The following THSD7A variants were observed in gnomAD, a reference collection of about 807,000 sequenced individuals.
THSD7A encodes thrombospondin type 1 domain containing 7A.
Under a neutral mutation model 231.3 loss-of-function variants are expected in THSD7A, and 96 were observed. The ratio of observed to expected loss-of-function variants is 0.41; its 90% CI spans 0.35 to 0.49. THSD7A has a LOEUF of 0.49. Among genes scored for constraint, THSD7A ranks in the 20% least tolerant of loss-of-function variants. THSD7A has a pLI of 0.05. For missense variants in THSD7A, 2,290 were observed against 2,070.2 expected, an observed-to-expected ratio of 1.11 and a Z score of -2.06; for synonymous variants, 940 against 743.3, an observed-to-expected ratio of 1.26 and a Z score of -4.30.
intron 1 of THSD7A, among the ~76,000 whole-genome samples, chr7:11,730,225 A>T (rs1352727882): frequency 6.6e-6 from 1 of 151,694 alleles, no homozygotes; most frequent in African/African-American, 2.4e-5. Context: ...CAGAATTAAA[A>T]TTTAAAAATG....
intron 2 of THSD7A, among the ~76,000 whole-genome samples, chr7:11,627,138 T>C (rs1781497449): frequency 6.6e-6 from 1 of 152,128 alleles, no homozygotes; most frequent in South Asian, 2.1e-4. Context: ...AAGGTTAACG[T>C]TGCATCTTTC....
At chr7:11,609,168 A>C (rs1326092394) in intron 2 of THSD7A, among the ~76,000 whole-genome samples, 2 of 152,068 alleles carry the variant, frequency 1.3e-5, no homozygotes, top group East Asian at 1.9e-4. Flanking sequence ...CTCAGAGTCA[A>C]CTTCACCCAG....
intron 1 of THSD7A, among the ~76,000 whole-genome samples, chr7:11,670,289 G>C (rs1046426432): frequency 6.6e-6 from 1 of 152,182 alleles, no homozygotes. Flanking sequence ...AGGTTCTGTG[G>C]TGTAGTCAAT....
intron 6 of THSD7A, among the ~76,000 whole-genome samples, chr7:11,509,328 TTATATAA>T (rs1164529444): frequency 2.0e-5 from 3 of 152,150 alleles, no homozygotes; most frequent in Non-Finnish European, 4.4e-5. Flanking sequence ...AATAACTGAC[TTATATAA>T]TATAAAGTCA....
chr7:11,745,213 AT>A (rs1271114670), intron 1 of THSD7A, among the ~76,000 whole-genome samples: 1 of 151,906 alleles, frequency 6.6e-6, no homozygotes, highest in African/African-American at 2.4e-5. Flanking sequence ...ACATTTTTTC[AT>A]GTGTCTTTTG....
intron 4 of THSD7A, among the ~76,000 whole-genome samples, chr7:11,577,211 C>G (rs1584013090): frequency 6.6e-6 from 1 of 152,202 alleles, no homozygotes; most frequent in Non-Finnish European, 1.5e-5. Flanking sequence ...TTTCACAGTA[C>G]TTCTGGGATT....
Position 11,832,178 on chromosome 7 carries a change from C to A in THSD7A, c.-232G>T. On this transcript the variant is annotated 5_prime_UTR_variant, in exon 1 of 28. Coordinates refer to ENST00000423059, the MANE Select transcript of THSD7A (RefSeq NM_015204.3). The stretch of plus-strand genomic sequence containing the variant: ...CCGCCTCTGGCGGGGATGCTGCTGC[C>A]GCTGCCATTCCTCGCAGAATGGCAG... 1 of 309,602 alleles carries A rather than the reference C, an allele frequency of 3.2e-6. No individual in the cohort carries two copies. Among genetic ancestry groups the A allele is most frequent in the South Asian group, 1.4e-4 (1 of 7,256 alleles). 19.2% of individuals were successfully genotyped at this position (309,602 alleles called of 1,614,324 possible).
chr7:11,463,306 G>A (rs1175160399), intron 9 of THSD7A, among the ~76,000 whole-genome samples: 6 of 152,138 alleles, frequency 3.9e-5, no homozygotes, highest in Non-Finnish European at 8.8e-5. Context: ...GCCATGTTTA[G>A]AGAGGATTTC....
intron 6 of THSD7A, among the ~76,000 whole-genome samples, chr7:11,525,031 C>T (rs1266611149): frequency 3.3e-5 from 5 of 152,196 alleles, no homozygotes; most frequent in Non-Finnish European, 7.3e-5. Flanking sequence ...TCTTCATACA[C>T]ATTATCATGT....
At chr7:11,540,268 T>C (rs917655411) in intron 6 of THSD7A, among the ~76,000 whole-genome samples, 9 of 152,214 alleles carry the variant, frequency 5.9e-5, no homozygotes, top group African/African-American at 1.2e-4. Flanking sequence ...TTTTACCTAA[T>C]ACTGTCTCGC....
intron 4 of THSD7A, among the ~76,000 whole-genome samples, chr7:11,582,684 C>T (rs946660411): frequency 3.3e-5 from 5 of 152,142 alleles, no homozygotes; most frequent in African/African-American, 4.8e-5. Context: ...AATAATTCTA[C>T]GTTGCCAGTT....
intron 1 of THSD7A, among the ~76,000 whole-genome samples, chr7:11,741,304 G>A (rs1323872800): frequency 1.3e-5 from 2 of 151,830 alleles, no homozygotes; most frequent in Non-Finnish European, 2.9e-5. Flanking sequence ...AATTTACTCC[G>A]TTTAAGAGAT....
chr7:11,562,404 T>C (rs1790112941), intron 4 of THSD7A, among the ~76,000 whole-genome samples: 1 of 152,190 alleles, frequency 6.6e-6, no homozygotes, highest in African/African-American at 2.4e-5. Flanking sequence ...TTGAGAAAAA[T>C]GCAATAAATT....
At chr7:11,700,845 C>T (rs1335889023) in intron 1 of THSD7A, among the ~76,000 whole-genome samples, 1 of 149,256 alleles carries the variant, frequency 6.7e-6, no homozygotes, top group Non-Finnish European at 1.5e-5. Context: ...CCATGTAATT[C>T]CAGCTTCATA....
At chr7:11,690,806 G>A (rs1780208804) in intron 1 of THSD7A, among the ~76,000 whole-genome samples, 1 of 151,670 alleles carries the variant, frequency 6.6e-6, no homozygotes, top group Non-Finnish European at 1.5e-5. Flanking sequence ...ATATGATTGT[G>A]TTCAAGTGGT....
intron 6 of THSD7A, among the ~76,000 whole-genome samples, chr7:11,483,921 G>A (rs371786136): frequency 5.9e-5 from 9 of 152,238 alleles, no homozygotes; most frequent in East Asian, 1.9e-4. Flanking sequence ...CTTGCCTAGC[G>A]TAAGTAATGC....
chr7:11,602,286 G>A (rs934274356), intron 2 of THSD7A, among the ~76,000 whole-genome samples: 3 of 152,026 alleles, frequency 2.0e-5, no homozygotes, highest in Admixed American at 6.6e-5. Flanking sequence ...ATACATGTAT[G>A]TGTGTGCATA....
At chr7:11,645,820 T>C (rs1012720126) in intron 1 of THSD7A, among the ~76,000 whole-genome samples, 1 of 151,942 alleles carries the variant, frequency 6.6e-6, no homozygotes, top group Non-Finnish European at 1.5e-5. Flanking sequence ...ATTTTGTTAC[T>C]CTGTCCAGTA....
intron 1 of THSD7A, among the ~76,000 whole-genome samples, chr7:11,760,331 T>C (rs1315573221): frequency 2.6e-5 from 4 of 152,138 alleles, no homozygotes; most frequent in East Asian, 1.9e-4. Context: ...GTTTAATAGA[T>C]AGTGCTTCAA....
Sources: gnomAD v4.1 joint callset for allele counts (sites outside exome capture counted in the v4.1 genomes callset) on GRCh38, gnomAD v4.1.1 for gene constraint, MANE v1.5 for transcripts, NCBI Gene and HGNC (gene_info 2026-07-23, HGNC 2026-07-21) for gene names.